Variants in MIDEAS observed in about 807,000 individuals in gnomAD.
MIDEAS encodes the protein mitotic deacetylase-associated SANT domain protein.
A neutral mutation model predicts 102.7 loss-of-function variants in MIDEAS; 26 were observed. The ratio of observed to expected loss-of-function variants is 0.25; its 90% confidence interval spans 0.19 to 0.35. The LOEUF is 0.35. Ranked by LOEUF, MIDEAS falls within the 10% of genes least tolerant of loss-of-function variation. The pLI, the probability that MIDEAS is intolerant of heterozygous loss-of-function variation, is 1.00. For missense variants in MIDEAS, 1,231 were observed against 1,435.6 expected (o/e 0.86, Z 2.30); for synonymous variants, 585 against 591.0 (o/e 0.99, Z 0.15).
chr14:73,726,969 C>A lies in MIDEAS; in HGVS notation c.2166G>T (p.Arg722=). The A allele has an allele frequency of 6.2e-7, 1 of 1,609,890 alleles. No individual in the cohort carries two copies. Among genetic ancestry groups the A allele is most frequent in the Non-Finnish European group, 8.5e-7 (1 of 1,177,318 alleles). The change falls in exon 6 of 13, where the codon CGG becomes CGT. Residue 722 remains arginine, a synonymous_variant. Transcript: ENST00000423556. ...GEATPVSIEP[R]INVGSRFQAE... is the part of the protein sequence containing the mutation. ...CCTGGAACCGGGAGCCCACGTTGAT[C>A]CGTCTAGAGGAGTGAAAAGGGCAGG...
intron 11 of MIDEAS, among the ~76,000 whole-genome samples, chr14:73,720,389 AGGC>A (rs1297523289): frequency 1.3e-5 from 2 of 151,980 alleles, no homozygotes; most frequent in Non-Finnish European, 2.9e-5. Flanking sequence ...CTGGGATTAC[AGGC>A]GTGCACCACC....
intron 3 of MIDEAS, chr14:73,730,249 T>C (rs1309075586): frequency 3.2e-6 from 2 of 625,614 alleles, no homozygotes; most frequent in Admixed American, 5.2e-5. Context: ...CATATTCCTC[T>C]TCTTTCCCTT....
At chr14:73,726,506 A>T in intron 7 of MIDEAS, 98 bp downstream of exon 7, 1 of 1,197,060 alleles carries the variant, frequency 8.4e-7, no homozygotes, top group Non-Finnish European at 1.2e-6. Flanking sequence ...TACTGGCCTC[A>T]AATGTGCATG....
chr14:73,773,180 C>T (rs1164029679), intron 1 of MIDEAS, among the ~76,000 whole-genome samples: 3 of 151,746 alleles, frequency 2.0e-5, no homozygotes, highest in Admixed American at 1.3e-4. Context: ...GTGAGTTACC[C>T]GGATTATCTA....
intron 1 of MIDEAS, among the ~76,000 whole-genome samples, chr14:73,782,269 T>C (rs2053764071): frequency 6.6e-6 from 1 of 152,174 alleles, no homozygotes; most frequent in Non-Finnish European, 1.5e-5. Flanking sequence ...CTCAGTTTTA[T>C]AGTTTAGCCT....
At chr14:73,732,780 C>A (rs2053155092) in intron 3 of MIDEAS, among the ~76,000 whole-genome samples, 1 of 115,738 alleles carries the variant, frequency 8.6e-6, no homozygotes, top group African/African-American at 3.3e-5. Flanking sequence ...AGTGAGACTC[C>A]CTCTCAAAAA....
At chr14:73,773,653 C>T (rs2053662182) in intron 1 of MIDEAS, among the ~76,000 whole-genome samples, 1 of 151,916 alleles carries the variant, frequency 6.6e-6, no homozygotes, top group Admixed American at 6.6e-5. Context: ...CCTGTGCTCA[C>T]CAGTGGTCCC....
intron 1 of MIDEAS, among the ~76,000 whole-genome samples, chr14:73,755,867 G>C (rs1048062345): frequency 3.9e-5 from 6 of 152,196 alleles, no homozygotes; most frequent in Non-Finnish European, 8.8e-5. Context: ...GATCCAGTGG[G>C]AACTGGTGAA....
At chr14:73,741,879 A>C (rs2053285303) in intron 1 of MIDEAS, among the ~76,000 whole-genome samples, 1 of 151,938 alleles carries the variant, frequency 6.6e-6, no homozygotes, top group African/African-American at 2.4e-5. Context: ...GGAGGGAGGG[A>C]GAGGCACAGA....
chr14:73,779,133 T>C (rs1474308196), intron 1 of MIDEAS, among the ~76,000 whole-genome samples: 1 of 151,860 alleles, frequency 6.6e-6, no homozygotes, highest in East Asian at 1.9e-4. Flanking sequence ...ATGCCTGTAA[T>C]CCCAGCTCTT....
chr14:73,765,216 G>C (rs2053584122), upstream of MIDEAS, among the ~76,000 whole-genome samples: 1 of 152,304 alleles, frequency 6.6e-6, no homozygotes, highest in East Asian at 1.9e-4. Flanking sequence ...TGTGCAACAG[G>C]GCATGCTTTA....
At chr14:73,736,357 C>T (rs755301720) in intron 3 of MIDEAS, among the ~76,000 whole-genome samples, 1 of 151,802 alleles carries the variant, frequency 6.6e-6, no homozygotes, top group Admixed American at 6.6e-5. Context: ...GTCGGCCAGG[C>T]GCGGTGGCTC....
chr14:73,729,926 C>T lies in MIDEAS; in HGVS notation c.1809G>A (p.Arg603=). The change falls in exon 4 of 13, where the codon CGG becomes CGA. Residue 603 remains arginine, a synonymous_variant. Transcript: ENST00000423556. The stretch of plus-strand genomic sequence containing the variant: ...GGATGATGAGGGGCTCGGGCCTGGG[C>T]CGCTGCTTTGGTTTCCGCACGGAAG... ...GEPSVRKPKQ[R]PRPEPLIIPT... 1 of 1,607,822 alleles carries T rather than the reference C, an allele frequency of 6.2e-7. No homozygotes were observed. The highest frequency in any genetic ancestry group is 8.5e-7 in the Non-Finnish European group (1 of 1,175,618).
chr14:73,785,938 T>C (rs1046666209), intron 1 of MIDEAS, among the ~76,000 whole-genome samples: 14 of 152,364 alleles, frequency 9.2e-5, no homozygotes, highest in African/African-American at 3.4e-4. Context: ...AGATCTATCC[T>C]GGGCATTTGC....
intron 1 of MIDEAS, among the ~76,000 whole-genome samples, chr14:73,743,424 C>T (rs751906632): frequency 3.9e-5 from 6 of 152,186 alleles, no homozygotes; most frequent in Admixed American, 6.5e-5. Context: ...CTTCCTCCTG[C>T]ACTGGCCACT....
At chr14:73,727,639 C>A (rs1320806163) in intron 4 of MIDEAS, 115 bp from the exon 5 acceptor site, 2 of 947,412 alleles carry the variant, frequency 2.1e-6, no homozygotes, top group Non-Finnish European at 3.1e-6. Flanking sequence ...AGAGCTCACG[C>A]AGGGAACACA....
At chr14:73,772,058 G>A (rs1387896187) in intron 1 of MIDEAS, among the ~76,000 whole-genome samples, 1 of 152,234 alleles carries the variant, frequency 6.6e-6, no homozygotes, top group African/African-American at 2.4e-5. Flanking sequence ...CTGGGGCCCT[G>A]AGCCAGCTGG....
chr14:73,740,425 T>C (rs564487211), intron 1 of MIDEAS, among the ~76,000 whole-genome samples, 170 bp from the exon 2 acceptor site: 39 of 152,224 alleles, frequency 2.6e-4, no homozygotes, highest in African/African-American at 7.9e-4. Flanking sequence ...GCCAGGACTT[T>C]TGGGGAGCTG....
At position 73,715,305 on chromosome 14, in the gene MIDEAS, GGT is replaced by G. The variant is rs999383982; in HGVS notation, c.*3536_*3537del. On this transcript the variant is annotated 3_prime_UTR_variant, in exon 13 of 13. Transcript: ENST00000423556. ...TCTATCACAACTGTACAGCAAAAGA[GGT>G]AATATTTATATATGTACACTATTTT... 2 of 152,334 alleles carry G rather than the reference GGT, an allele frequency of 1.3e-5. No homozygotes were observed. Among genetic ancestry groups the G allele is most frequent in the African/African-American group, 4.8e-5 (2 of 41,318 alleles). 9.4% of individuals were successfully genotyped at this position (152,334 alleles called of 1,614,324 possible). A position where few individuals can be genotyped will look rare whatever the true frequency, so the allele number is the denominator to read the frequency against.
Sources: gnomAD v4.1 joint callset for allele counts (sites outside exome capture counted in the v4.1 genomes callset) on GRCh38, gnomAD v4.1.1 for gene constraint, MANE v1.5 for transcripts, NCBI Gene and HGNC (gene_info 2026-07-23, HGNC 2026-07-21) for gene names.